Variants in GPC6 observed in about 807,000 individuals in gnomAD.
GPC6 encodes the protein glypican-6.
A neutral mutation model predicts 55.2 loss-of-function variants in GPC6; 14 were observed. That is an observed-to-expected ratio of 0.25 (90% CI 0.17 to 0.40). GPC6 has a LOEUF of 0.40. Ranked by LOEUF, GPC6 falls within the 10% of genes least tolerant of loss-of-function variation. The pLI is 1.00. For missense variants in GPC6, 641 were observed against 708.5 expected (o/e 0.90, Z 1.08); for synonymous variants, 278 against 259.6 (o/e 1.07, Z -0.68).
chr13:93,666,809 G>C (rs1279979155), intron 2 of GPC6, among the ~76,000 whole-genome samples: 1 of 152,038 alleles, frequency 6.6e-6, no homozygotes, highest in Non-Finnish European at 1.5e-5. Flanking sequence ...ATTTTTAAAG[G>C]AGCTGGTCCA....
chr13:94,321,905 A>G (rs1201498741), intron 6 of GPC6, among the ~76,000 whole-genome samples: 1 of 152,182 alleles, frequency 6.6e-6, no homozygotes, highest in East Asian at 1.9e-4. Flanking sequence ...ATTTTCACTA[A>G]AAGATGTCAC....
At chr13:94,157,473 TGGG>T (rs1446997808) in intron 4 of GPC6, among the ~76,000 whole-genome samples, 1 of 151,946 alleles carries the variant, frequency 6.6e-6, no homozygotes, top group African/African-American at 2.4e-5. Flanking sequence ...GAAATAGCCG[TGGG>T]AGGAGACTCT....
Position 94,273,549 on chromosome 13 carries a change from T to C in GPC6, c.878-12800T>C, listed in dbSNP as rs1358784397. On this transcript the variant is annotated intron_variant, in intron 4 of 8. Coordinates refer to ENST00000377047, the MANE Select transcript of GPC6 (RefSeq NM_005708.5). ...GTCTCCATCACCTATGTTTTCTCCT[T>C]CATTATTCTCTTGTAAAATGGTGAA... 2.0e-5 allele frequency among the ~76,000 whole-genome samples: 3 copies of C among 152,200 alleles called. 1 individual carries two copies. The highest frequency in any genetic ancestry group is 7.2e-5 in the African/African-American group (3 of 41,448).
At chr13:93,371,794 G>C (rs1874666950) in intron 1 of GPC6, among the ~76,000 whole-genome samples, 1 of 151,936 alleles carries the variant, frequency 6.6e-6, no homozygotes, top group Non-Finnish European at 1.5e-5. Flanking sequence ...AAAAACAAAA[G>C]CTAATGGGCG....
At chr13:93,974,242 A>G (rs1446955991) in intron 3 of GPC6, among the ~76,000 whole-genome samples, 1 of 152,196 alleles carries the variant, frequency 6.6e-6, no homozygotes, top group Admixed American at 6.5e-5. Context: ...GTCCGTAGGC[A>G]TTGTTAGTTT....
At chr13:93,703,869 G>A (rs577674541) in intron 2 of GPC6, among the ~76,000 whole-genome samples, 2 of 151,996 alleles carry the variant, frequency 1.3e-5, no homozygotes, top group East Asian at 3.9e-4. Flanking sequence ...TGTTATAACC[G>A]TGATTACAGG....
chr13:93,738,058 C>A (rs894528970), intron 2 of GPC6, among the ~76,000 whole-genome samples: 1 of 152,090 alleles, frequency 6.6e-6, no homozygotes, highest in South Asian at 2.1e-4. Context: ...CAACTTGATA[C>A]GTCATAGGAT....
At chr13:93,430,906 A>G (rs1877333312) in intron 1 of GPC6, among the ~76,000 whole-genome samples, 1 of 152,162 alleles carries the variant, frequency 6.6e-6, no homozygotes, top group South Asian at 2.1e-4. Flanking sequence ...TTTAAAATTC[A>G]GCTGATAGCT....
In GPC6 at chr13:93,584,684, G is replaced by GTTTT. The variant is rs779571682; in HGVS notation, c.319+39284_319+39287dup. ...CACGTTACCATGTTACCTTCTGAAA[G>GTTTT]TTTTTTTTTTTTTTTTTTTTTTTTG... On this transcript the variant is annotated intron_variant, in intron 2 of 8. Coordinates refer to ENST00000377047, the MANE Select transcript of GPC6 (RefSeq NM_005708.5). Among the ~76,000 whole-genome samples the GTTTT allele has an allele frequency of 3.3e-3, 317 of 95,560 alleles. 5 individuals carry two copies. Among genetic ancestry groups the GTTTT allele is most frequent in the African/African-American group, 0.01 (217 of 21,288 alleles). The allele number at this position is 95,560 out of a possible 152,430, so 62.7% of individuals were successfully genotyped here.
chr13:93,606,848 C>A (rs1878256604), intron 2 of GPC6, among the ~76,000 whole-genome samples: 1 of 152,220 alleles, frequency 6.6e-6, no homozygotes, highest in Non-Finnish European at 1.5e-5. Flanking sequence ...TTTAATCCAA[C>A]TGTCAATCCT....
At chr13:93,346,327 A>G (rs4773738) in intron 1 of GPC6, among the ~76,000 whole-genome samples, 10,511 of 152,210 alleles carry the variant, frequency 0.069, 496 homozygotes, top group East Asian at 0.12. Flanking sequence ...TGAATGAATT[A>G]ATACTTGTTT....
intron 4 of GPC6, among the ~76,000 whole-genome samples, chr13:94,079,869 A>G (rs533858395): frequency 3.3e-5 from 5 of 152,196 alleles, no homozygotes; most frequent in Admixed American, 2.0e-4. Flanking sequence ...AGCTTGTATC[A>G]CATTGCCTGA....
At chr13:93,448,446 T>A (rs1878093249) in intron 1 of GPC6, among the ~76,000 whole-genome samples, 1 of 152,152 alleles carries the variant, frequency 6.6e-6, no homozygotes, top group Non-Finnish European at 1.5e-5. Flanking sequence ...TCAGAATATG[T>A]CCCTGTCATT....
chr13:94,049,576 C>T (rs1883863093), intron 4 of GPC6, among the ~76,000 whole-genome samples: 1 of 152,114 alleles, frequency 6.6e-6, no homozygotes, highest in African/African-American at 2.4e-5. Flanking sequence ...CTCACACTTG[C>T]TGTTCCCTGC....
intron 3 of GPC6, among the ~76,000 whole-genome samples, chr13:93,897,755 C>G (rs926957740): frequency 6.6e-6 from 1 of 152,030 alleles, no homozygotes; most frequent in African/African-American, 2.4e-5. Flanking sequence ...AATCACCCAC[C>G]AGGAGTGAAT....
intron 6 of GPC6, among the ~76,000 whole-genome samples, chr13:94,326,275 A>G (rs1485478798): frequency 6.6e-6 from 1 of 151,752 alleles, no homozygotes; most frequent in African/African-American, 2.4e-5. Flanking sequence ...ATCTTACCTT[A>G]TTTATCTTCC....
At chr13:94,095,075 G>C (rs1412016925) in intron 4 of GPC6, among the ~76,000 whole-genome samples, 2 of 151,934 alleles carry the variant, frequency 1.3e-5, no homozygotes, top group Non-Finnish European at 2.9e-5. Flanking sequence ...TAAAAATTTC[G>C]TTTCTGTACT....
At chr13:93,372,462 T>A (rs1203452304) in intron 1 of GPC6, among the ~76,000 whole-genome samples, 1 of 152,182 alleles carries the variant, frequency 6.6e-6, no homozygotes, top group Admixed American at 6.5e-5. Context: ...TACATAGGTG[T>A]CAGGAGATCT....
chr13:93,804,665 A>G (rs545186675), intron 2 of GPC6, among the ~76,000 whole-genome samples: 1 of 152,126 alleles, frequency 6.6e-6, no homozygotes, highest in African/African-American at 2.4e-5. Flanking sequence ...TGCCTCCCAA[A>G]CTCCAGTAGA....
Sources: allele counts gnomAD v4.1 joint callset (sites outside exome capture counted in the v4.1 genomes callset), GRCh38; gene constraint gnomAD v4.1.1; transcripts MANE v1.5; gene names NCBI Gene and HGNC (gene_info 2026-07-23, HGNC 2026-07-21).